Variants in DLGAP1 observed in about 807,000 individuals in gnomAD.
The protein encoded by DLGAP1 is disks large-associated protein 1.
In DLGAP1, 11 loss-of-function variants were observed where a neutral mutation model predicts 90.8. The ratio of observed to expected loss-of-function variants is 0.12; its 90% confidence interval spans 0.08 to 0.20. The LOEUF is 0.20. Among genes scored for constraint, DLGAP1 ranks in the 10% least tolerant of loss-of-function variants. The probability of loss-of-function intolerance (pLI) is 1.00; values close to 1 mark genes in which losing one functional copy is unlikely to be tolerated. For synonymous variants in DLGAP1, 558 were observed against 540.7 expected (o/e 1.03, Z -0.44); for missense variants, 1,050 against 1,333.8 (o/e 0.79, Z 3.31).
At chr18:4,107,376 G>A (rs1362160782) in intron 2 of DLGAP1, among the ~76,000 whole-genome samples, 2 of 152,188 alleles carry the variant, frequency 1.3e-5, no homozygotes, top group Non-Finnish European at 2.9e-5. Flanking sequence ...AGCACAGGAA[G>A]CCCGTGCGAT....
chr18:4,239,087 G>C (rs1040348047), intron 1 of DLGAP1, among the ~76,000 whole-genome samples: 2 of 152,200 alleles, frequency 1.3e-5, no homozygotes, highest in African/African-American at 2.4e-5. Context: ...CACAACTTCA[G>C]AGAGTGCTGT....
At chr18:3,963,354 T>G (rs865837566) in intron 3 of DLGAP1, among the ~76,000 whole-genome samples, 8 of 152,134 alleles carry the variant, frequency 5.3e-5, no homozygotes, top group African/African-American at 1.9e-4. Flanking sequence ...GAGAGCACAG[T>G]TGCTGGGCCT....
intron 1 of DLGAP1, among the ~76,000 whole-genome samples, chr18:4,233,003 T>C (rs545533348): frequency 5.4e-4 from 82 of 152,336 alleles, no homozygotes; most frequent in African/African-American, 1.8e-3. Context: ...AGGAGAATCA[T>C]GACTGCTCAT....
At chr18:3,649,546 G>A (rs2059225352) in intron 7 of DLGAP1, among the ~76,000 whole-genome samples, 3 of 152,150 alleles carry the variant, frequency 2.0e-5, no homozygotes, top group South Asian at 2.1e-4. Context: ...ACTGCCTTCC[G>A]TACACTGTGT....
At chr18:3,923,667 C>T (rs976420201) in intron 3 of DLGAP1, among the ~76,000 whole-genome samples, 1 of 151,930 alleles carries the variant, frequency 6.6e-6, no homozygotes, top group African/African-American at 2.4e-5. Context: ...TTTTAAATTC[C>T]AAAGATGATT....
chr18:4,124,787 G>C (rs576390673), intron 2 of DLGAP1, among the ~76,000 whole-genome samples: 76 of 152,284 alleles, frequency 5.0e-4, no homozygotes, highest in Middle Eastern at 3.4e-3. Context: ...GAGTTCATGA[G>C]AATCACATTC....
intron 3 of DLGAP1, among the ~76,000 whole-genome samples, chr18:3,907,881 A>G (rs935259598): frequency 6.6e-6 from 1 of 152,228 alleles, no homozygotes; most frequent in Non-Finnish European, 1.5e-5. Flanking sequence ...AGCAGGATGG[A>G]AGAATATTCA....
intron 7 of DLGAP1, among the ~76,000 whole-genome samples, chr18:3,668,300 G>A (rs554139908): frequency 4.9e-4 from 74 of 152,052 alleles, no homozygotes; most frequent in African/African-American, 1.7e-3. Context: ...TCCTTCCTTC[G>A]TTTCTTCTTT....
intron 2 of DLGAP1, among the ~76,000 whole-genome samples, chr18:4,044,312 T>C (rs1347579605): frequency 6.6e-6 from 1 of 152,016 alleles, no homozygotes; most frequent in Non-Finnish European, 1.5e-5. Flanking sequence ...GTAAAAGGAG[T>C]GTAACTTCCA....
chr18:3,508,684 A>T (rs2050374394), intron 10 of DLGAP1, 23 bp from the exon 11 acceptor site: 1 of 1,562,576 alleles, frequency 6.4e-7, no homozygotes, highest in African/African-American at 1.4e-5. Flanking sequence ...AACATACGAG[A>T]AATTTACACA....
At chr18:3,768,866 G>C (rs1405530003) in intron 5 of DLGAP1, among the ~76,000 whole-genome samples, 1 of 152,152 alleles carries the variant, frequency 6.6e-6, no homozygotes, top group Non-Finnish European at 1.5e-5. Flanking sequence ...AAGCTAGGCA[G>C]AGTTCTTAGA....
intron 11 of DLGAP1, among the ~76,000 whole-genome samples, chr18:3,505,245 A>G (rs1293421984): frequency 6.6e-6 from 1 of 152,122 alleles, no homozygotes. Flanking sequence ...GGTTGAATAG[A>G]CTGGGATTTG....
At chr18:3,965,864 C>T (rs1344231348) in intron 3 of DLGAP1, among the ~76,000 whole-genome samples, 3 of 146,792 alleles carry the variant, frequency 2.0e-5, no homozygotes, top group African/African-American at 7.6e-5. Context: ...AGGAGAATTG[C>T]TTGAACCCGG....
chr18:3,718,908 G>C (rs1184912471), intron 7 of DLGAP1, among the ~76,000 whole-genome samples: 1 of 139,196 alleles, frequency 7.2e-6, no homozygotes, highest in African/African-American at 2.7e-5. Context: ...CCTGGGGGAC[G>C]AGAGTGAGAC....
rs532571567 is a variant in DLGAP1, at chr18:4,047,048, C to T, written c.-158-41847G>A. 2.0e-5 allele frequency among the ~76,000 whole-genome samples: 3 copies of T among 152,272 alleles called. No individual in the cohort carries two copies. In the East Asian group the frequency reaches 5.8e-4, roughly 29 times the overall value. ...ATTATAGGAAAGTATATTTTCCAGC[C>T]TACTCAAATAACTTACTTCAATGTT... is the stretch of plus-strand genomic sequence containing the variant. On this transcript the variant is annotated intron_variant, in intron 2 of 12. Coordinates refer to ENST00000315677, the MANE Select transcript of DLGAP1 (RefSeq NM_004746.4).
chr18:3,617,889 T>A (rs896560321), intron 7 of DLGAP1, among the ~76,000 whole-genome samples: 18 of 151,810 alleles, frequency 1.2e-4, no homozygotes, highest in African/African-American at 4.1e-4. Context: ...ACAAAAAAAT[T>A]AGCTGGGCGT....
chr18:4,327,616 C>T (rs1454224198), intron 1 of DLGAP1, among the ~76,000 whole-genome samples: 2 of 152,032 alleles, frequency 1.3e-5, no homozygotes, highest in Non-Finnish European at 2.9e-5. Context: ...CAATTGTGCA[C>T]ATACATCTTA....
rs879312556 is a variant in DLGAP1, at chr18:3,772,301, CTT to C, written c.1173-29791_1173-29790del. ...TTTCTCTCCTTTTCTCCTTTTCTTT[CTT>C]TCTCTCCTTCCTTCCTTCCTTTCTC... On this transcript the variant is annotated intron_variant, in intron 5 of 12. Transcript: ENST00000315677. 4.9e-3 allele frequency among the ~76,000 whole-genome samples: 676 copies of C among 137,650 alleles called. 2 individuals are homozygous for C. The highest frequency in any genetic ancestry group is 6.5e-3 in the Non-Finnish European group (430 of 65,986). The allele number at this position is 137,650 out of a possible 152,430, so 90.3% of individuals were successfully genotyped here.
intron 2 of DLGAP1, among the ~76,000 whole-genome samples, chr18:4,106,857 G>A (rs2075877764): frequency 6.6e-6 from 1 of 152,188 alleles, no homozygotes; most frequent in Non-Finnish European, 1.5e-5. Flanking sequence ...GATGAGGCAG[G>A]AGAGACCCGA....
Sources: allele counts gnomAD v4.1 joint callset (sites outside exome capture counted in the v4.1 genomes callset), GRCh38; gene constraint gnomAD v4.1.1; transcripts MANE v1.5; gene names NCBI Gene and HGNC (gene_info 2026-07-23, HGNC 2026-07-21).